Variants in NOX4 observed in about 807,000 individuals in gnomAD.
NOX4 encodes kidney oxidase-1.
In NOX4, 69 loss-of-function variants were observed where a neutral mutation model predicts 87.6. That is an observed-to-expected ratio of 0.79 (90% CI 0.65 to 0.96). The LOEUF (loss-of-function observed/expected upper bound fraction) is 0.96, where lower values mean the gene tolerates loss of function less well. NOX4 is among the 40% of genes least tolerant of loss of function. The pLI is 0.00. For missense variants in NOX4, 680 were observed against 681.5 expected (o/e 1.00, Z 0.02); for synonymous variants, 275 against 238.2 (o/e 1.15, Z -1.42).
intron 12 of NOX4, among the ~76,000 whole-genome samples, chr11:89,368,579 C>A (rs1425319812): frequency 6.6e-6 from 1 of 152,050 alleles, no homozygotes; most frequent in Non-Finnish European, 1.5e-5. Flanking sequence ...AGTCAATCAA[C>A]TCCCTCAATC....
chr11:89,377,764 AAC>A (rs1243542635), intron 11 of NOX4, among the ~76,000 whole-genome samples: 3 of 152,176 alleles, frequency 2.0e-5, no homozygotes, highest in African/African-American at 4.8e-5. Flanking sequence ...AAATGTGTTA[AAC>A]CTGAGAAAGT....
upstream of NOX4, among the ~76,000 whole-genome samples, chr11:89,501,521 A>G (rs1947019956): frequency 6.6e-6 from 1 of 152,100 alleles, no homozygotes; most frequent in African/African-American, 2.4e-5. Flanking sequence ...GTTACTCCAC[A>G]TGGAAGTGAT....
At chr11:89,554,563 A>C in the NOX4 span, among the ~76,000 whole-genome samples, 1 of 152,162 alleles carries the variant, frequency 6.6e-6, no homozygotes, top group South Asian at 2.1e-4. Context: ...ATCTGTATCT[A>C]AATAGATATT....
intron 6 of NOX4, among the ~76,000 whole-genome samples, chr11:89,440,382 C>T (rs903714496): frequency 3.9e-4 from 60 of 152,096 alleles, no homozygotes; most frequent in Non-Finnish European, 1.3e-4. Flanking sequence ...TGCAGTGGCG[C>T]GATCTCAGCT....
upstream of NOX4, among the ~76,000 whole-genome samples, chr11:89,501,042 T>C (rs641230): frequency 0.87 from 131,774 of 152,000 alleles, 57,467 homozygotes; most frequent in Non-Finnish European, 0.92. Context: ...AACTTGGAAA[T>C]ATACTGCATT....
chr11:89,537,727 A>G, the NOX4 span, among the ~76,000 whole-genome samples: 1 of 152,164 alleles, frequency 6.6e-6, no homozygotes, highest in Non-Finnish European at 1.5e-5. Context: ...TTCCATTTGA[A>G]GGCCAGTTCT....
At chr11:89,432,007 A>G (rs1591227544) in intron 7 of NOX4, among the ~76,000 whole-genome samples, 1 of 152,186 alleles carries the variant, frequency 6.6e-6, no homozygotes, top group Non-Finnish European at 1.5e-5. Context: ...TACACCATGG[A>G]TTACTATGCA....
At chr11:89,551,803 C>T in the NOX4 span, among the ~76,000 whole-genome samples, 1 of 151,958 alleles carries the variant, frequency 6.6e-6, no homozygotes, top group Non-Finnish European at 1.5e-5. Context: ...TGCCTGATTG[C>T]CCTGGCCAGA....
chr11:89,391,592 C>A (rs915229166), intron 11 of NOX4, among the ~76,000 whole-genome samples: 8 of 151,726 alleles, frequency 5.3e-5, no homozygotes, highest in African/African-American at 1.9e-4. Context: ...CCTATCTCTA[C>A]ACAATTTTTT....
the NOX4 span, among the ~76,000 whole-genome samples, chr11:89,518,923 G>A: frequency 2.0e-5 from 3 of 151,910 alleles, no homozygotes; most frequent in African/African-American, 7.3e-5. Flanking sequence ...CTGAAAAGAT[G>A]AGCAATAGAG....
At chr11:89,572,625 C>T in the NOX4 span, among the ~76,000 whole-genome samples, 1 of 152,194 alleles carries the variant, frequency 6.6e-6, no homozygotes, top group Non-Finnish European at 1.5e-5. Flanking sequence ...TCTAGGCTCA[C>T]TGCAAGCTCC....
rs181191983 is a variant in NOX4 at position 89,413,804 on chromosome 11, A to G, written c.629+8098T>C. ...TGTATGTAACACAAAGAAAAGATAA[A>G]TATTTGAGATTATGAATATCTCATT... On this transcript the variant is annotated intron_variant, in intron 8 of 17. Transcript: ENST00000263317. Among the ~76,000 whole-genome samples, 11 of 152,200 alleles carry G rather than the reference A, an allele frequency of 7.2e-5. No individual in the cohort carries two copies. The East Asian group carries it at 2.1e-3, about 29-fold the overall frequency.
At chr11:89,358,103 G>A (rs559953046) in intron 12 of NOX4, among the ~76,000 whole-genome samples, 2 of 152,140 alleles carry the variant, frequency 1.3e-5, no homozygotes, top group South Asian at 4.1e-4. Context: ...AAGGTTCATA[G>A]GCAGGGCATG....
chr11:89,403,167 C>A (rs1044201963), intron 8 of NOX4, among the ~76,000 whole-genome samples: 1 of 152,154 alleles, frequency 6.6e-6, no homozygotes, highest in East Asian at 1.9e-4. Context: ...GGAGAGCCCA[C>A]ACCATAAAAA....
intron 2 of NOX4, among the ~76,000 whole-genome samples, chr11:89,469,935 C>T (rs1419423192): frequency 6.6e-6 from 1 of 151,992 alleles, no homozygotes; most frequent in Non-Finnish European, 1.5e-5. Flanking sequence ...GGGTGGAGTT[C>T]TGAGCCAGGA....
At chr11:89,405,103 T>TGTGTGTGTGC (rs1555016992) in intron 8 of NOX4, among the ~76,000 whole-genome samples, 2 of 151,556 alleles carry the variant, frequency 1.3e-5, no homozygotes, top group African/African-American at 4.8e-5. Context: ...TGTGTGTGTG[T>TGTGTGTGTGC]GTGTGTGTGT....
the NOX4 span, among the ~76,000 whole-genome samples, chr11:89,576,652 A>G: frequency 6.6e-6 from 1 of 152,144 alleles, no homozygotes; most frequent in South Asian, 2.1e-4. Context: ...GTGTGACATT[A>G]TTCAATTTCC....
chr11:89,360,428 G>A (rs1938431043), intron 12 of NOX4, among the ~76,000 whole-genome samples: 1 of 152,018 alleles, frequency 6.6e-6, no homozygotes, highest in Admixed American at 6.6e-5. Flanking sequence ...CAATGCATAT[G>A]TATACCAGAG....
intron 12 of NOX4, among the ~76,000 whole-genome samples, chr11:89,360,867 A>G (rs1263013446): frequency 6.6e-6 from 1 of 152,102 alleles, no homozygotes; most frequent in East Asian, 1.9e-4. Context: ...ATCACTAATC[A>G]TCAGGGAAAT....
Sources: allele counts gnomAD v4.1 joint callset (sites outside exome capture counted in the v4.1 genomes callset), GRCh38; gene constraint gnomAD v4.1.1; transcripts MANE v1.5; gene names NCBI Gene and HGNC (gene_info 2026-07-23, HGNC 2026-07-21).